MCM3AP: variants seen among roughly 807,000 people sequenced by gnomAD.
The protein encoded by MCM3AP is minichromosome maintenance complex component 3 associated protein.
Under a neutral mutation model 184.1 loss-of-function variants are expected in MCM3AP, and 126 were observed. The ratio of observed to expected loss-of-function variants is 0.68; its 90% CI spans 0.59 to 0.79. The LOEUF (loss-of-function observed/expected upper bound fraction) is 0.79, where lower values mean the gene tolerates loss of function less well. Ranked by LOEUF, MCM3AP falls within the 30% of genes least tolerant of loss-of-function variation. The probability of loss-of-function intolerance (pLI) is 0.00; values close to 1 mark genes in which losing one functional copy is unlikely to be tolerated. For missense variants in MCM3AP, 2,496 were observed against 2,479.2 expected, an observed-to-expected ratio of 1.01 and a Z score of -0.14; for synonymous variants, 1,002 against 979.3, an observed-to-expected ratio of 1.02 and a Z score of -0.43.
At chr21:46,254,753 C>T (rs2080922595) in intron 18 of MCM3AP, 23 bp downstream of exon 18, 3 of 1,608,248 alleles carry the variant, frequency 1.9e-6, no homozygotes, top group African/African-American at 1.3e-5. Context: ...AGGGGGTGCG[C>T]AGAAGGGTGC....
intron 2 of MCM3AP, among the ~76,000 whole-genome samples, chr21:46,281,940 G>A (rs749712392): frequency 3.3e-5 from 5 of 152,242 alleles, no homozygotes; most frequent in Non-Finnish European, 5.9e-5. Context: ...AAAGGTTGAA[G>A]TGAGCCAAGA....
At position 46,265,944 on chromosome 21, in the gene MCM3AP, T is replaced by A. The variant is rs767136657; in HGVS notation, c.3012A>T (p.Arg1004Ser). The A allele has an allele frequency of 1.9e-6, 3 of 1,588,060 alleles. No individual in the cohort carries two copies. Among genetic ancestry groups the A allele is most frequent in the Non-Finnish European group, 2.6e-6 (3 of 1,164,076 alleles). ...ACTCACCCACTGTGTCGGAGCCGGG[T>A]CTCTGGGTGCTGACGGGCAGCTCCG... ...LAAELPVSTQRPGSDTVGGGR... is the reference protein window; with the variant it reads ...LAAELPVSTQSPGSDTVGGGR... Residue 1004 changes from arginine (R) to serine (S), a missense_variant, in exon 11 of 28, where the codon AGA (arginine) becomes AGT (serine). Arg to Ser is a moderately radical substitution (Grantham distance 110). Around this residue, in one of 5 missense-constraint regions of MCM3AP, gnomAD observed 1,323 missense variants for 1,273.4 expected, o/e 1.04. Coordinates refer to ENST00000291688, the MANE Select transcript of MCM3AP (RefSeq NM_003906.5).
intron 20 of MCM3AP, chr21:46,251,092 C>G (rs1452173820): frequency 1.3e-5 from 2 of 152,848 alleles, no homozygotes; most frequent in Non-Finnish European, 2.9e-5. Flanking sequence ...AAGGTAACAG[C>G]AGCAGTAAAC....
Position 46,236,757 on chromosome 21 carries a change from T to C in MCM3AP, c.5784+72A>G, listed in dbSNP as rs2080533772. On this transcript the variant is annotated intron_variant, in intron 27 of 27. Transcript: ENST00000291688. ...AAACATCATAGGATAAATCGTGATA[T>C]TACTTTTTTCCCCAGCCATTCTCTC... The C allele has an allele frequency of 4.8e-6, 5 of 1,035,716 alleles. No individual in the cohort carries two copies. The African/African-American group carries it at 5.0e-5, about 10-fold the overall frequency. The allele number at this position is 1,035,716 out of a possible 1,614,324, so 64.2% of individuals were successfully genotyped here.
At chr21:46,278,449 G>A (rs1007827111) in intron 4 of MCM3AP, among the ~76,000 whole-genome samples, 3 of 152,160 alleles carry the variant, frequency 2.0e-5, no homozygotes, top group Non-Finnish European at 4.4e-5. Flanking sequence ...GGAAAGTGAG[G>A]AAAATACATT....
At chr21:46,275,972 C>A (rs188327156) in intron 5 of MCM3AP, among the ~76,000 whole-genome samples, 1 of 152,142 alleles carries the variant, frequency 6.6e-6, no homozygotes, top group Non-Finnish European at 1.5e-5. Context: ...AATACCTGGG[C>A]CCGGCCTGGT....
chr21:46,243,805 G>T, intron 23 of MCM3AP, 83 bp from the exon 24 acceptor site: 1 of 1,416,358 alleles, frequency 7.1e-7, no homozygotes, highest in Non-Finnish European at 9.6e-7. Context: ...TCAGGAGAAG[G>T]CAACTGTGAA....
intron 4 of MCM3AP, 36 bp from the exon 5 acceptor site, chr21:46,277,753 C>T: frequency 7.4e-7 from 1 of 1,357,512 alleles, no homozygotes; most frequent in Non-Finnish European, 1.0e-6. Context: ...GCCCTCGTCC[C>T]AGGAAGGCCT....
intron 8 of MCM3AP, 84 bp downstream of exon 8, chr21:46,272,477 T>C (rs571759983): frequency 1.5e-6 from 2 of 1,353,486 alleles, no homozygotes; most frequent in East Asian, 4.6e-5. Flanking sequence ...CACTATTGGC[T>C]ACTGCCACTC....
intron 15 of MCM3AP, among the ~76,000 whole-genome samples, chr21:46,259,975 C>T (rs1327193248): frequency 6.6e-6 from 1 of 150,758 alleles, no homozygotes; most frequent in Non-Finnish European, 1.5e-5. Context: ...ACTTGGGAGG[C>T]TGAGCTAGGA....
Position 46,285,406 on chromosome 21 carries a change from A to G in MCM3AP, c.-120T>C, listed in dbSNP as rs1050619003. The G allele has an allele frequency of 1.3e-5, 9 of 688,518 alleles. No homozygotes were observed. Among genetic ancestry groups the G allele is most frequent in the African/African-American group, 1.3e-4 (7 of 55,958 alleles). 42.7% of individuals were successfully genotyped at this position (688,518 alleles called of 1,614,324 possible). A position where few individuals can be genotyped will look rare whatever the true frequency, so the allele number is the denominator to read the frequency against. On this transcript the variant is annotated 5_prime_UTR_variant, in exon 1 of 28. Transcript: ENST00000291688. ...GTCTTTAGAACAAGCTGAAAGAGAA[A>G]AATTCAGATCATCATAGCTATGTTC... is the stretch of plus-strand genomic sequence containing the variant.
Position 46,251,776 on chromosome 21 carries a change from A to G in MCM3AP, c.4137-94T>C, listed in dbSNP as rs2839984. 341,587 of 756,696 alleles carry G rather than the reference A, an allele frequency of 0.45. 78,555 individuals are homozygous for G. Among genetic ancestry groups the G allele is most frequent in the Admixed American group, 0.53 (18,962 of 35,778 alleles). The allele number at this position is 756,696 out of a possible 1,614,324, so 46.9% of individuals were successfully genotyped here. A position where few individuals can be genotyped will look rare whatever the true frequency, so the allele number is the denominator to read the frequency against. ...AAGACTTTCAGGAAAAGAAGAAAGA[A>G]AAATATCACACAGACCTAGGTCCAC... On this transcript the variant is annotated intron_variant, in intron 19 of 27. Transcript: ENST00000291688.
chr21:46,258,900 C>CGT (rs1292792249), intron 16 of MCM3AP, 39 bp downstream of exon 16: 3 of 1,609,998 alleles, frequency 1.9e-6, no homozygotes, highest in Non-Finnish European at 2.5e-6. Flanking sequence ...GACTCTTCCC[C>CGT]GTGTGTGTGG....
chr21:46,266,038 G>A lies in MCM3AP; in HGVS notation c.2918C>T (p.Pro973Leu), dbSNP rs2081107936. 2 of 1,612,196 alleles carry A rather than the reference G, an allele frequency of 1.2e-6. No individual in the cohort carries two copies. The highest frequency in any genetic ancestry group is 1.7e-5 in the Admixed American group (1 of 59,872). ...GEIVNGGPLP[P>L]VPRHTPVCSF... ...GCACACAGGGGTATGACGAGGGACG[G>A]GGGGCAATGGCCCTCCGTTCACAAT... Residue 973 changes from proline to leucine, a missense_variant, in exon 11 of 28, where the codon CCC becomes CTC. Physicochemically the swap from Pro to Leu is moderately conservative, Grantham distance 98 (BLOSUM62 -3). Around this residue, in one of 5 missense-constraint regions of MCM3AP, gnomAD observed 1,323 missense variants for 1,273.4 expected, o/e 1.04. Transcript: ENST00000291688.
intron 5 of MCM3AP, 115 bp downstream of exon 5, chr21:46,277,412 G>A: frequency 2.8e-6 from 2 of 713,792 alleles, no homozygotes; most frequent in Non-Finnish European, 4.5e-6. Context: ...GCATATCACA[G>A]GCTCTGAGAC....
chr21:46,245,051 G>A lies in MCM3AP; in HGVS notation c.4794C>T (p.Gly1598=), dbSNP rs772560798. ...CGCCAGGCTCCTGAGAAGCAAGACC[G>A]CCCAGACGCCTCTCTCTTCTGTCAT... ...FFHDRRERRL[G]GLASQEPGAI... The change falls in exon 23 of 28, where the codon GGC becomes GGT. Residue 1598 remains glycine, a synonymous_variant. Coordinates refer to ENST00000291688, the MANE Select transcript of MCM3AP (RefSeq NM_003906.5). The A allele has an allele frequency of 2.1e-5, 34 of 1,614,068 alleles. No homozygotes were observed. The highest frequency in any genetic ancestry group is 4.0e-5 in the African/African-American group (3 of 74,920).
chr21:46,256,304 A>C (rs1004415653), intron 17 of MCM3AP, among the ~76,000 whole-genome samples: 2 of 152,152 alleles, frequency 1.3e-5, no homozygotes, highest in African/African-American at 4.8e-5. Flanking sequence ...GGCCACACCA[A>C]GGGGCCTCAA....
intron 5 of MCM3AP, among the ~76,000 whole-genome samples, chr21:46,277,049 C>A (rs1482402385): frequency 2.6e-5 from 4 of 152,194 alleles, no homozygotes; most frequent in African/African-American, 9.7e-5. Context: ...CCATGCCCAG[C>A]CCGGCTGAAA....
intron 13 of MCM3AP, among the ~76,000 whole-genome samples, chr21:46,262,893 G>C (rs1454443807): frequency 6.7e-6 from 1 of 149,124 alleles, no homozygotes; most frequent in Non-Finnish European, 1.5e-5. Flanking sequence ...CGTGAACCCC[G>C]GGGGGCGGAG....
Sources: gnomAD v4.1 joint callset for allele counts (sites outside exome capture counted in the v4.1 genomes callset) on GRCh38, gnomAD v4.1.1 for gene constraint, gnomAD v4.1.1 regional missense constraint, MANE v1.5 for transcripts, NCBI Gene and HGNC (gene_info 2026-07-23, HGNC 2026-07-21) for gene names.